COL5A1: variants seen among roughly 807,000 people sequenced by gnomAD.
COL5A1 encodes collagen type V alpha 1 chain, also known as collagen alpha-1(V) chain.
Under a neutral mutation model 263.7 loss-of-function variants are expected in COL5A1, and 16 were observed. The observed-to-expected ratio is 0.06, with a 90% confidence interval of 0.04 to 0.09. COL5A1 has a LOEUF of 0.09. Among genes scored for constraint, COL5A1 ranks in the 10% least tolerant of loss-of-function variants. The probability of loss-of-function intolerance (pLI) is 1.00; values close to 1 mark genes in which losing one functional copy is unlikely to be tolerated. For synonymous variants in COL5A1, 1,012 were observed against 1,004.5 expected, an observed-to-expected ratio of 1.01 and a Z score of -0.14; for missense variants, 2,036 against 2,540.5, an observed-to-expected ratio of 0.80 and a Z score of 4.27.
chr9:134,802,724 AT>A (rs1838157666), intron 38 of COL5A1, among the ~76,000 whole-genome samples, 163 bp from the exon 39 acceptor site: 1 of 152,102 alleles, frequency 6.6e-6, no homozygotes, highest in Non-Finnish European at 1.5e-5. Flanking sequence ...CACCCTCTAG[AT>A]TTTTGCCGGG....
chr9:134,811,099 C>T (rs984132804), intron 44 of COL5A1, among the ~76,000 whole-genome samples: 2 of 152,104 alleles, frequency 1.3e-5, no homozygotes, highest in African/African-American at 2.4e-5. Context: ...ACGGTGGTCT[C>T]GAGAGACATT....
chr9:134,691,273 A>G (rs1436654963), intron 2 of COL5A1, among the ~76,000 whole-genome samples, 194 bp downstream of exon 2: 5 of 152,064 alleles, frequency 3.3e-5, no homozygotes, highest in Admixed American at 6.5e-5. Context: ...TCTGGACGGG[A>G]CTGGGCTTTG....
intron 35 of COL5A1, 81 bp from the exon 36 acceptor site, chr9:134,796,767 G>A: frequency 7.6e-7 from 1 of 1,312,516 alleles, no homozygotes; most frequent in Non-Finnish European, 1.1e-6. Context: ...CGTTCAGAGA[G>A]CCACCGGCAC....
At chr9:134,760,168 CATGCACACACACAT>C (rs1836278225) in intron 18 of COL5A1, among the ~76,000 whole-genome samples, 1 of 129,554 alleles carries the variant, frequency 7.7e-6, no homozygotes, top group Admixed American at 7.7e-5. Flanking sequence ...CACACACATA[CATGCACACACACAT>C]ACACCCCCAC....
chr9:134,803,481 A>G (rs1838184380), intron 39 of COL5A1, among the ~76,000 whole-genome samples: 1 of 152,160 alleles, frequency 6.6e-6, no homozygotes. Context: ...CTAAAAATAC[A>G]GAAATTAGCT....
rs78284853 is a variant in COL5A1, at chr9:134,704,884, A to G, written c.654+3551A>G. On this transcript the variant is annotated intron_variant, in intron 4 of 65. Coordinates refer to ENST00000371817, the MANE Select transcript of COL5A1 (RefSeq NM_000093.5). The stretch of plus-strand genomic sequence containing the variant: ...CCTTTTGTCTCATTGCAAGTGGAAG[A>G]GAATTTCTATTTCTTTTGAAGTAAA... Among the ~76,000 whole-genome samples the G allele has an allele frequency of 3.8e-3, 583 of 152,022 alleles. 3 individuals carry two copies. Among genetic ancestry groups the G allele is most frequent in the African/African-American group, 0.013 (544 of 41,430 alleles).
In COL5A1 at chr9:134,696,317, G is replaced by T. The variant is rs1833466860; in HGVS notation, c.278-3592G>T. Among the ~76,000 whole-genome samples the T allele has an allele frequency of 6.6e-6, 1 of 152,058 alleles. No homozygotes were observed. Among genetic ancestry groups the T allele is most frequent in the Non-Finnish European group, 1.5e-5 (1 of 68,004 alleles). On this transcript the variant is annotated intron_variant, in intron 2 of 65. Coordinates refer to ENST00000371817, the MANE Select transcript of COL5A1 (RefSeq NM_000093.5). This position sits in a 1 kb window ranked among gnomAD's most constrained non-coding sequence, Gnocchi z 4.3. ...GCCCCCCGAGTAGTTGGGATTACAG[G>T]TGTGTGCCACCACACCCGGCTAATT...
intron 43 of COL5A1, 48 bp from the exon 44 acceptor site, chr9:134,810,207 C>G (rs1383666056): frequency 1.9e-6 from 3 of 1,602,348 alleles, no homozygotes; most frequent in Non-Finnish European, 2.6e-6. Flanking sequence ...AGAAAAGGTC[C>G]AAACGGTTGT....
intron 1 of COL5A1, among the ~76,000 whole-genome samples, chr9:134,672,986 A>C (rs1832581421): frequency 6.6e-6 from 1 of 152,242 alleles, no homozygotes; most frequent in African/African-American, 2.4e-5. Flanking sequence ...GATGATTACA[A>C]AATATTGCAT....
intron 11 of COL5A1, among the ~76,000 whole-genome samples, chr9:134,746,641 C>A (rs1835524529): frequency 6.6e-6 from 1 of 152,224 alleles, no homozygotes; most frequent in Non-Finnish European, 1.5e-5. Flanking sequence ...GAAGTAGGCA[C>A]CTGATTTCTT....
intron 32 of COL5A1, 75 bp from the exon 33 acceptor site, chr9:134,795,007 A>G (rs182533389): frequency 4.5e-4 from 678 of 1,512,932 alleles, no homozygotes; most frequent in Non-Finnish European, 5.6e-4. Context: ...TCTCTCAATA[A>G]CCCGGGAGAC....
At chr9:134,689,853 G>T (rs925340720) in intron 1 of COL5A1, among the ~76,000 whole-genome samples, 1 of 152,150 alleles carries the variant, frequency 6.6e-6, no homozygotes, top group East Asian at 1.9e-4. Context: ...CCATTCTGTC[G>T]CTGTGATGCC....
At chr9:134,672,735 T>C (rs1832572578) in intron 1 of COL5A1, among the ~76,000 whole-genome samples, 1 of 152,220 alleles carries the variant, frequency 6.6e-6, no homozygotes, top group Admixed American at 6.5e-5. Flanking sequence ...AAACTGTCTT[T>C]ATTTGCAGAT....
chr9:134,775,117 C>A (rs538799888), intron 27 of COL5A1, among the ~76,000 whole-genome samples: 1 of 152,342 alleles, frequency 6.6e-6, no homozygotes, highest in African/African-American at 2.4e-5. Flanking sequence ...CAGCTAGAGT[C>A]AGGAGGGCTG....
intron 63 of COL5A1, among the ~76,000 whole-genome samples, chr9:134,829,587 C>CGTCCAGT (rs1839502086): frequency 7.0e-6 from 1 of 142,216 alleles, no homozygotes; most frequent in African/African-American, 2.7e-5. Flanking sequence ...CCTCACGTGG[C>CGTCCAGT]CTCCCTAAGG....
intron 1 of COL5A1, among the ~76,000 whole-genome samples, chr9:134,690,487 C>T (rs2132549983): frequency 6.6e-6 from 1 of 152,354 alleles, no homozygotes; most frequent in South Asian, 2.1e-4. Context: ...CTTCCAGCAT[C>T]TGCCTGGGCT....
At chr9:134,777,545 G>A (rs1317644642) in intron 27 of COL5A1, among the ~76,000 whole-genome samples, 1 of 152,224 alleles carries the variant, frequency 6.6e-6, no homozygotes, top group Non-Finnish European at 1.5e-5. Flanking sequence ...TCCTGAAACG[G>A]TAGAACTGTA....
chr9:134,720,537 C>T (rs949079094), intron 4 of COL5A1, among the ~76,000 whole-genome samples: 4 of 152,270 alleles, frequency 2.6e-5, no homozygotes, highest in Non-Finnish European at 4.4e-5. Flanking sequence ...TTATGGCGGT[C>T]GGGCTGGGCA....
At chr9:134,732,459 G>A (rs1035793717) in intron 9 of COL5A1, 51 of 498,494 alleles carry the variant, frequency 1.0e-4, no homozygotes, top group African/African-American at 9.6e-4. Context: ...CGGAGGCGGA[G>A]TCCCCTTTGA....
Sources: gnomAD v4.1 joint callset for allele counts (sites outside exome capture counted in the v4.1 genomes callset) on GRCh38, gnomAD v4.1.1 for gene constraint, Gnocchi (gnomAD v3.1) non-coding constraint, MANE v1.5 for transcripts, NCBI Gene and HGNC (gene_info 2026-07-23, HGNC 2026-07-21) for gene names.